The following DHCR24 variants were observed in gnomAD, a reference collection of about 807,000 sequenced individuals.
DHCR24 encodes the protein 24-dehydrocholesterol reductase.
DHCR24 carries 28 observed loss-of-function variants against 61.2 expected under a neutral mutation model. The observed-to-expected ratio is 0.46, with a 90% CI of 0.34 to 0.63. DHCR24 has a LOEUF of 0.63. Among genes scored for constraint, DHCR24 ranks in the 20% least tolerant of loss-of-function variants. The pLI is 0.01. For missense variants in DHCR24, 538 were observed against 679.1 expected (o/e 0.79, Z 2.31); for synonymous variants, 261 against 275.9 (o/e 0.95, Z 0.54).
intron 6 of DHCR24, among the ~76,000 whole-genome samples, chr1:54,854,908 A>ACT (rs1184740004): frequency 6.6e-6 from 1 of 152,144 alleles, no homozygotes; most frequent in African/African-American, 2.4e-5. Flanking sequence ...CTCACTCAGC[A>ACT]CTGCTGCCTC....
At chr1:54,860,153 TCC>T (rs1646928158) in intron 6 of DHCR24, among the ~76,000 whole-genome samples, 1 of 152,194 alleles carries the variant, frequency 6.6e-6, no homozygotes, top group Non-Finnish European at 1.5e-5. Context: ...AATCACCCTC[TCC>T]TAGAAGCCCA....
chr1:54,862,799 G>A (rs777275745), intron 6 of DHCR24, among the ~76,000 whole-genome samples: 63 of 152,136 alleles, frequency 4.1e-4, no homozygotes, highest in Non-Finnish European at 8.5e-4. Context: ...CAACCAGGCC[G>A]GGTGCGGTGG....
chr1:54,871,661 A>G (rs1378935025), intron 4 of DHCR24, 48 bp from the exon 5 acceptor site: 2 of 1,613,352 alleles, frequency 1.2e-6, no homozygotes, highest in Non-Finnish European at 1.7e-6. Flanking sequence ...TGGGCCCCAC[A>G]TTGTGGCATG....
chr1:54,873,499 G>A (rs868100763), intron 4 of DHCR24, among the ~76,000 whole-genome samples: 1 of 152,196 alleles, frequency 6.6e-6, no homozygotes, highest in Middle Eastern at 3.2e-3. Flanking sequence ...AGGTCCTTCA[G>A]GAGGTATTCC....
intron 4 of DHCR24, among the ~76,000 whole-genome samples, chr1:54,871,934 A>G (rs1348450836): frequency 6.6e-6 from 1 of 152,156 alleles, no homozygotes; most frequent in Non-Finnish European, 1.5e-5. Context: ...ACGACCCACA[A>G]TGGCAGGGGC....
intron 6 of DHCR24, 117 bp downstream of exon 6, chr1:54,865,186 C>G: frequency 7.5e-7 from 1 of 1,335,632 alleles, no homozygotes; most frequent in South Asian, 1.3e-5. Context: ...ATTGCAGTTC[C>G]TTAGGACAAA....
chr1:54,862,119 T>A (rs1646941318), intron 6 of DHCR24, among the ~76,000 whole-genome samples: 1 of 152,068 alleles, frequency 6.6e-6, no homozygotes, highest in African/African-American at 2.4e-5. Context: ...CCTATCAATA[T>A]ACCCTCTCTT....
rs370233954 is a variant in DHCR24 at position 54,871,643 on chromosome 1, T to C, written c.613-30A>G. Reference sequence around the variant, plus strand: ...GAGACAGAATTGATGTGTTGTGAGCTGAAACCTTGGGCCCCACATTGTGGC... The same window carrying C: ...GAGACAGAATTGATGTGTTGTGAGCCGAAACCTTGGGCCCCACATTGTGGC... On this transcript the variant is annotated intron_variant, in intron 4 of 8. Transcript: ENST00000371269. The C allele has an allele frequency of 3.1e-6, 5 of 1,614,042 alleles. No individual in the cohort carries two copies. In the African/African-American group the frequency reaches 4.0e-5, roughly 13 times the overall value.
At chr1:54,856,241 A>G (rs2101557548) in intron 6 of DHCR24, among the ~76,000 whole-genome samples, 1 of 152,332 alleles carries the variant, frequency 6.6e-6, no homozygotes, top group South Asian at 2.1e-4. Context: ...GCAGAGGAGC[A>G]GTTACTAGAG....
intron 5 of DHCR24, 135 bp downstream of exon 5, chr1:54,871,215 T>C: frequency 1.0e-6 from 1 of 968,726 alleles, no homozygotes; most frequent in Non-Finnish European, 1.6e-6. Context: ...TCCTGTTGCC[T>C]GTACCCCAGG....
At chr1:54,877,873 T>C (rs1180216523) in intron 2 of DHCR24, among the ~76,000 whole-genome samples, 2 of 151,648 alleles carry the variant, frequency 1.3e-5, no homozygotes, top group African/African-American at 4.9e-5. Context: ...TAGCTGGGTG[T>C]GGTGGCAAGC....
chr1:54,865,834 G>A (rs1646965437), intron 5 of DHCR24, among the ~76,000 whole-genome samples: 1 of 141,650 alleles, frequency 7.1e-6, no homozygotes, highest in South Asian at 2.6e-4. Flanking sequence ...AGGGAAGCAC[G>A]AACTCTGGGA....
At chr1:54,868,582 T>C (rs899940615) in intron 5 of DHCR24, among the ~76,000 whole-genome samples, 2 of 152,154 alleles carry the variant, frequency 1.3e-5, no homozygotes, top group Admixed American at 6.5e-5. Context: ...TGGGCAGCAA[T>C]AGGGCATTCA....
intron 8 of DHCR24, 131 bp downstream of exon 8, chr1:54,853,303 C>A: frequency 1.7e-6 from 2 of 1,198,288 alleles, no homozygotes; most frequent in East Asian, 2.5e-5. Context: ...GCTGCCACAG[C>A]TGCAGGGGCC....
At chr1:54,867,612 G>A (rs1646974258) in intron 5 of DHCR24, among the ~76,000 whole-genome samples, 1 of 152,146 alleles carries the variant, frequency 6.6e-6, no homozygotes, top group South Asian at 2.1e-4. Context: ...CAAATGGATG[G>A]CAGCAGAGCC....
At chr1:54,884,017 G>A (rs1397041307) in intron 1 of DHCR24, among the ~76,000 whole-genome samples, 1 of 152,256 alleles carries the variant, frequency 6.6e-6, no homozygotes, top group Non-Finnish European at 1.5e-5. Context: ...GAGGATCGAA[G>A]TGTTCTGAAA....
rs1226905402 is a variant in DHCR24, at chr1:54,887,191, G to C, written c.-72C>G. 1 of 1,348,376 alleles carries C rather than the reference G, an allele frequency of 7.4e-7. No individual in the cohort carries two copies. Among genetic ancestry groups the C allele is most frequent in the African/African-American group, 1.5e-5 (1 of 67,964 alleles). 83.5% of individuals were successfully genotyped at this position (1,348,376 alleles called of 1,614,324 possible). A position where few individuals can be genotyped will look rare whatever the true frequency, so the allele number is the denominator to read the frequency against. ...CTGCCGCCAGCTCCGCGCCTGGCCCGCTCTGCGCCTGTAGCCCACAGCCCG... is the reference window on the plus strand; with the variant it reads ...CTGCCGCCAGCTCCGCGCCTGGCCCCCTCTGCGCCTGTAGCCCACAGCCCG... On this transcript the variant is annotated 5_prime_UTR_variant, in exon 1 of 9. Coordinates refer to ENST00000371269, the MANE Select transcript of DHCR24 (RefSeq NM_014762.4).
intron 6 of DHCR24, among the ~76,000 whole-genome samples, chr1:54,859,599 G>C (rs1646925033): frequency 6.6e-6 from 1 of 151,902 alleles, no homozygotes; most frequent in South Asian, 2.1e-4. Context: ...CTTGTAGCTG[G>C]GATTACAGGC....
At chr1:54,879,585 G>A (rs1425075766) in intron 2 of DHCR24, among the ~76,000 whole-genome samples, 1 of 152,076 alleles carries the variant, frequency 6.6e-6, no homozygotes, top group African/African-American at 2.4e-5. Context: ...TAAACTAGAT[G>A]AGAAAAAGGA....
Sources: allele counts gnomAD v4.1 joint callset (sites outside exome capture counted in the v4.1 genomes callset), GRCh38; gene constraint gnomAD v4.1.1; transcripts MANE v1.5; gene names NCBI Gene and HGNC (gene_info 2026-07-23, HGNC 2026-07-21).